The following PTBP2 variants were observed in gnomAD, a reference collection of about 807,000 sequenced individuals.
The protein encoded by PTBP2 is polypyrimidine tract binding protein 2, also known as polypyrimidine tract-binding protein 2.
In PTBP2, 13 loss-of-function variants were observed where a neutral mutation model predicts 61.4. The ratio of observed to expected loss-of-function variants is 0.21; its 90% confidence interval spans 0.14 to 0.34. The LOEUF is 0.34. PTBP2 is among the 10% of genes least tolerant of loss of function. PTBP2 has a pLI of 1.00. For missense variants in PTBP2, 405 were observed against 642.6 expected, an observed-to-expected ratio of 0.63 and a Z score of 4.00; for synonymous variants, 215 against 218.5, an observed-to-expected ratio of 0.98 and a Z score of 0.14.
At chr1:96,805,521 C>T (rs1183141257) in intron 9 of PTBP2, among the ~76,000 whole-genome samples, 1 of 151,648 alleles carries the variant, frequency 6.6e-6, no homozygotes, top group Non-Finnish European at 1.5e-5. Context: ...TTCCTTACCA[C>T]CCCCTCCACC....
chr1:96,807,036 A>G, intron 11 of PTBP2, 78 bp downstream of exon 11: 1 of 1,092,256 alleles, frequency 9.2e-7, no homozygotes, highest in Admixed American at 2.5e-5. Flanking sequence ...GAATAAAAAT[A>G]AACTCCTTTA....
rs144988417 is a variant in PTBP2 at position 96,772,186 on chromosome 1, C to G, written c.432+1335C>G. 2.9e-3 allele frequency among the ~76,000 whole-genome samples: 435 copies of G among 152,214 alleles called. 1 individual carries two copies. Among genetic ancestry groups the G allele is most frequent in the African/African-American group, 9.9e-3 (412 of 41,526 alleles). On this transcript the variant is annotated intron_variant, in intron 5 of 13. Coordinates refer to ENST00000674951, the MANE Select transcript of PTBP2 (RefSeq NM_021190.4). ...TTCAAGTTGGGGTTCCCACAACCCC[C>G]TTTTTGGATTTCATTAATTTGCTAG...
chr1:96,770,003 G>T lies in PTBP2; in HGVS notation c.288+128G>T, dbSNP rs1056389185. 2.2e-5 allele frequency: 15 copies of T among 675,352 alleles called. No individual in the cohort carries two copies. The African/African-American group carries it at 2.3e-4, about 10-fold the overall frequency. 41.8% of individuals were successfully genotyped at this position (675,352 alleles called of 1,614,324 possible). A position where few individuals can be genotyped will look rare whatever the true frequency, so the allele number is the denominator to read the frequency against. On this transcript the variant is annotated intron_variant, in intron 4 of 13. Coordinates refer to ENST00000674951, the MANE Select transcript of PTBP2 (RefSeq NM_021190.4). ...ACAGAAGTCTTATTCTCACTTTTTC[G>T]AGTAGATGTCTGTGGGAAACTAATG...
intron 5 of PTBP2, among the ~76,000 whole-genome samples, chr1:96,772,827 T>G (rs1557736693): frequency 6.6e-6 from 1 of 151,858 alleles, no homozygotes; most frequent in African/African-American, 2.4e-5. Flanking sequence ...AGAATAAAGC[T>G]GGGGGCTGGG....
chr1:96,763,681 C>T (rs1332264106), intron 3 of PTBP2, among the ~76,000 whole-genome samples: 1 of 151,824 alleles, frequency 6.6e-6, no homozygotes, highest in East Asian at 1.9e-4. Context: ...TAATGTACTT[C>T]ATGACCAAGG....
chr1:96,778,025 TTAA>T (rs1658224506), intron 7 of PTBP2, 79 bp downstream of exon 7: 1 of 615,562 alleles, frequency 1.6e-6, no homozygotes, highest in African/African-American at 1.9e-5. Flanking sequence ...GTATGTATAC[TTAA>T]TGATATCTTG....
chr1:96,817,792 G>T (rs1662539601), downstream of PTBP2: 1 of 151,980 alleles, frequency 6.6e-6, no homozygotes, highest in Non-Finnish European at 1.5e-5. Context: ...AGAGGAATTT[G>T]TCCTATATTC....
chr1:96,779,968 C>T (rs1197725291), intron 7 of PTBP2, among the ~76,000 whole-genome samples: 2 of 152,040 alleles, frequency 1.3e-5, no homozygotes, highest in African/African-American at 2.4e-5. Context: ...TTTCTTCAGT[C>T]AACAGTTTTT....
At chr1:96,722,533 AG>A (rs2100761949) in intron 1 of PTBP2, among the ~76,000 whole-genome samples, 1 of 151,584 alleles carries the variant, frequency 6.6e-6, no homozygotes, top group South Asian at 2.1e-4. Flanking sequence ...GGCGGGAGGG[AG>A]GAAAAAATGC....
chr1:96,750,369 C>G (rs1654381083), intron 2 of PTBP2, among the ~76,000 whole-genome samples: 1 of 150,730 alleles, frequency 6.6e-6, no homozygotes, highest in African/African-American at 2.4e-5. Context: ...ATCAATGTGG[C>G]TTGAAACTGG....
chr1:96,772,846 C>T (rs1014678592), intron 5 of PTBP2, among the ~76,000 whole-genome samples: 1 of 151,690 alleles, frequency 6.6e-6, no homozygotes, highest in African/African-American at 2.4e-5. Context: ...GGCTTGGTGG[C>T]TTATACTGGT....
intron 7 of PTBP2, 46 bp downstream of exon 7, chr1:96,777,992 T>G: frequency 9.2e-7 from 1 of 1,091,976 alleles, no homozygotes; most frequent in Admixed American, 2.2e-5. Context: ...TTGAAATGTA[T>G]ATGTAGAAAA....
At chr1:96,741,653 C>G (rs2100857389) in intron 2 of PTBP2, among the ~76,000 whole-genome samples, 1 of 152,040 alleles carries the variant, frequency 6.6e-6, no homozygotes, top group East Asian at 1.9e-4. Flanking sequence ...TTTAATGGGA[C>G]ATTTATGTTT....
chr1:96,785,375 C>T (rs1387143628), intron 8 of PTBP2, 121 bp downstream of exon 8: 2 of 742,020 alleles, frequency 2.7e-6, no homozygotes, highest in African/African-American at 1.9e-5. Flanking sequence ...CGTGAGTTTT[C>T]TTTTTCTCAA....
Position 96,806,601 on chromosome 1 carries a change from A to T in PTBP2, c.1078+149A>T, listed in dbSNP as rs573965597. ...ATTTAAAACTCTCCATAGACACAAAATTTGTTTTAATGCATGCTAATTTAT... is the reference window on the plus strand; with the variant it reads ...ATTTAAAACTCTCCATAGACACAAATTTTGTTTTAATGCATGCTAATTTAT... On this transcript the variant is annotated intron_variant, in intron 10 of 13. Coordinates refer to ENST00000674951, the MANE Select transcript of PTBP2 (RefSeq NM_021190.4). 1.9e-5 allele frequency: 16 copies of T among 854,702 alleles called. No individual in the cohort carries two copies. The East Asian group carries it at 4.2e-4, about 22-fold the overall frequency. 52.9% of individuals were successfully genotyped at this position (854,702 alleles called of 1,614,324 possible). A position where few individuals can be genotyped will look rare whatever the true frequency, so the allele number is the denominator to read the frequency against.
intron 8 of PTBP2, among the ~76,000 whole-genome samples, chr1:96,791,320 T>C (rs1184133603): frequency 6.6e-6 from 1 of 152,212 alleles, no homozygotes; most frequent in Non-Finnish European, 1.5e-5. Flanking sequence ...AGGTGATGCC[T>C]GTGTTCTTTA....
intron 2 of PTBP2, among the ~76,000 whole-genome samples, chr1:96,741,542 G>A (rs1312389164): frequency 2.0e-5 from 3 of 152,112 alleles, no homozygotes; most frequent in Admixed American, 2.0e-4. Context: ...GATTACAGGC[G>A]TGAGTCGCTG....
chr1:96,771,585 G>C (rs1327053913), intron 5 of PTBP2: 1 of 151,806 alleles, frequency 6.6e-6, no homozygotes, highest in Non-Finnish European at 1.5e-5. Flanking sequence ...TAAAAGATAG[G>C]ACTGAAATTT....
intron 3 of PTBP2, among the ~76,000 whole-genome samples, chr1:96,761,738 GTTT>G (rs970586401): frequency 6.6e-6 from 1 of 150,418 alleles, no homozygotes; most frequent in African/African-American, 2.5e-5. Flanking sequence ...TTTTTTGTTT[GTTT>G]TTTGTTTTTT....
Sources: allele counts gnomAD v4.1 joint callset (sites outside exome capture counted in the v4.1 genomes callset), GRCh38; gene constraint gnomAD v4.1.1; transcripts MANE v1.5; gene names NCBI Gene and HGNC (gene_info 2026-07-23, HGNC 2026-07-21).